The following ANO3 variants were observed in gnomAD, a reference collection of about 807,000 sequenced individuals.
The protein encoded by ANO3 is anoctamin-3.
ANO3 carries 99 observed loss-of-function variants against 144.8 expected under a neutral mutation model. That is an observed-to-expected ratio of 0.68 (90% CI 0.58 to 0.81). The LOEUF is 0.81. ANO3 is among the 30% of genes least tolerant of loss of function. The pLI, the probability that ANO3 is intolerant of heterozygous loss-of-function variation, is 0.00. For synonymous variants in ANO3, 414 were observed against 392.6 expected, an observed-to-expected ratio of 1.05 and a Z score of -0.64; for missense variants, 905 against 1,202.2, an observed-to-expected ratio of 0.75 and a Z score of 3.66.
intron 14 of ANO3, among the ~76,000 whole-genome samples, chr11:26,571,196 C>T (rs111895233): frequency 6.9e-4 from 105 of 151,946 alleles, no homozygotes; most frequent in African/African-American, 2.4e-3. Flanking sequence ...AAAGTTTCTC[C>T]GAAAGGAAAG....
At chr11:26,249,277 A>G (rs1852871109) in intron 1 of ANO3, among the ~76,000 whole-genome samples, 1 of 152,224 alleles carries the variant, frequency 6.6e-6, no homozygotes, top group Non-Finnish European at 1.5e-5. Flanking sequence ...TTTATAAATG[A>G]CTTTGTGAAA....
intron 1 of ANO3, among the ~76,000 whole-genome samples, chr11:26,364,516 G>A (rs1856010511): frequency 6.6e-6 from 1 of 152,202 alleles, no homozygotes; most frequent in Admixed American, 6.5e-5. Flanking sequence ...GGCTTTACAG[G>A]AAGCATGGCT....
intron 14 of ANO3, among the ~76,000 whole-genome samples, chr11:26,577,383 C>T (rs570380379): frequency 6.6e-6 from 1 of 151,588 alleles, no homozygotes; most frequent in Non-Finnish European, 1.5e-5. Flanking sequence ...ATGGGGAAAC[C>T]CCGTCTGTAC....
At chr11:26,451,087 A>C (rs1858913694) in intron 3 of ANO3, among the ~76,000 whole-genome samples, 1 of 152,220 alleles carries the variant, frequency 6.6e-6, no homozygotes. Context: ...ATTAGAAAAC[A>C]GACTTATAGG....
At chr11:26,314,654 C>T (rs1854580267) in intron 1 of ANO3, among the ~76,000 whole-genome samples, 1 of 152,174 alleles carries the variant, frequency 6.6e-6, no homozygotes, top group African/African-American at 2.4e-5. Flanking sequence ...TCTGGAGCCT[C>T]TTGCTGTCAT....
chr11:26,321,029 C>G (rs577873487), intron 1 of ANO3, among the ~76,000 whole-genome samples: 1 of 151,966 alleles, frequency 6.6e-6, no homozygotes, highest in African/African-American at 2.4e-5. Context: ...CCTTATTGTT[C>G]CTGGCCTGGT....
chr11:26,392,901 GA>G (rs1460414710), intron 1 of ANO3, among the ~76,000 whole-genome samples: 1 of 151,988 alleles, frequency 6.6e-6, no homozygotes, highest in East Asian at 1.9e-4. Context: ...CTTAAAATAG[GA>G]ATAATGGTAC....
At chr11:26,642,700 G>C (rs1441282854) in intron 22 of ANO3, among the ~76,000 whole-genome samples, 1 of 152,070 alleles carries the variant, frequency 6.6e-6, no homozygotes, top group Non-Finnish European at 1.5e-5. Flanking sequence ...CTCACGCAAA[G>C]CAATAATTAT....
intron 14 of ANO3, among the ~76,000 whole-genome samples, chr11:26,570,975 GA>G (rs1481065098): frequency 6.6e-6 from 1 of 151,618 alleles, no homozygotes; most frequent in Non-Finnish European, 1.5e-5. Flanking sequence ...GATGTAAAAA[GA>G]AAGAAAAAAT....
chr11:26,531,487 C>T, intron 8 of ANO3, 151 bp downstream of exon 8: 2 of 894,358 alleles, frequency 2.2e-6, no homozygotes, highest in Non-Finnish European at 1.6e-6. Context: ...TTATAAACAA[C>T]ACTAAGTGAA....
At chr11:26,453,103 C>T (rs574480574) in intron 3 of ANO3, among the ~76,000 whole-genome samples, 62 of 152,144 alleles carry the variant, frequency 4.1e-4, no homozygotes, top group South Asian at 6.2e-4. Flanking sequence ...AAGGAACAAC[C>T]GGTACCAGCC....
chr11:26,439,625 T>C (rs773429911), intron 1 of ANO3, among the ~76,000 whole-genome samples: 24 of 152,256 alleles, frequency 1.6e-4, no homozygotes, highest in Admixed American at 2.6e-4. Context: ...TATATGATTA[T>C]ATATCAATAA....
At chr11:26,285,367 T>C (rs1853781708) in intron 1 of ANO3, among the ~76,000 whole-genome samples, 1 of 152,214 alleles carries the variant, frequency 6.6e-6, no homozygotes, top group African/African-American at 2.4e-5. Context: ...TTGAAAGATG[T>C]CATTGTTATT....
chr11:26,457,334 GA>G (rs57184880), intron 3 of ANO3, among the ~76,000 whole-genome samples: 1,731 of 145,320 alleles, frequency 0.012, 19 homozygotes, highest in Non-Finnish European at 0.019. Flanking sequence ...TTTTGACTCT[GA>G]AAAAAAAAAA....
chr11:26,618,831 T>C (rs1277927087), intron 17 of ANO3, among the ~76,000 whole-genome samples: 1 of 152,238 alleles, frequency 6.6e-6, no homozygotes, highest in African/African-American at 2.4e-5. Context: ...CCTTGGTGAA[T>C]ATCTCTTTAT....
chr11:26,615,668 C>T lies in ANO3; in HGVS notation c.1837-8794C>T, dbSNP rs530246897. Among the ~76,000 whole-genome samples the T allele has an allele frequency of 2.0e-5, 3 of 152,148 alleles. No homozygotes were observed. The South Asian group carries it at 6.2e-4, about 32-fold the overall frequency. The stretch of plus-strand genomic sequence containing the variant: ...AACTTTCTCTACACTTGCTTCCCTT[C>T]GATATTTTAAGATTTCATTTCCCTT... On this transcript the variant is annotated intron_variant, in intron 17 of 26. Coordinates refer to ENST00000256737, the MANE Select transcript of ANO3 (RefSeq NM_031418.4).
At chr11:26,407,687 T>A (rs140277454) in intron 1 of ANO3, among the ~76,000 whole-genome samples, 1 of 151,812 alleles carries the variant, frequency 6.6e-6, no homozygotes, top group Non-Finnish European at 1.5e-5. Flanking sequence ...AATTAAACCA[T>A]GTCACTCTGT....
chr11:26,265,486 T>C (rs2133831061), intron 1 of ANO3, among the ~76,000 whole-genome samples: 1 of 152,310 alleles, frequency 6.6e-6, no homozygotes. Flanking sequence ...ACAAATATTG[T>C]TCTGTATCCT....
chr11:26,495,074 CATTTATTT>C lies in ANO3; in HGVS notation c.433-12989_433-12982del, dbSNP rs56862775. ...AGAGTTTATCTTTTATAAATATCTACATTTATTTATTTATTTATTTATTTATTTATTTA... is the reference window on the plus strand; with the variant it reads ...AGAGTTTATCTTTTATAAATATCTACATTTATTTATTTATTTATTTATTTA... On this transcript the variant is annotated intron_variant, in intron 4 of 26. Coordinates refer to ENST00000256737, the MANE Select transcript of ANO3 (RefSeq NM_031418.4). 9.9e-3 allele frequency among the ~76,000 whole-genome samples: 1,417 copies of C among 143,438 alleles called. 21 individuals carry two copies. The highest frequency in any genetic ancestry group is 0.027 in the African/African-American group (1,044 of 38,316). The allele number at this position is 143,438 out of a possible 152,430, so 94.1% of individuals were successfully genotyped here.
Sources: gnomAD v4.1 joint callset for allele counts (sites outside exome capture counted in the v4.1 genomes callset) on GRCh38, gnomAD v4.1.1 for gene constraint, MANE v1.5 for transcripts, NCBI Gene and HGNC (gene_info 2026-07-23, HGNC 2026-07-21) for gene names.